EYS: variants seen among roughly 807,000 people sequenced by gnomAD.
EYS encodes the protein EGF-like photoreceptor maintenance factor, also known as protein eyes shut homolog.
EYS carries 250 observed loss-of-function variants against 282.1 expected under a neutral mutation model. The ratio of observed to expected loss-of-function variants is 0.89; its 90% CI spans 0.80 to 0.98. The LOEUF (loss-of-function observed/expected upper bound fraction) is 0.98, where lower values mean the gene tolerates loss of function less well. EYS is among the 50% of genes least tolerant of loss of function. The pLI, the probability that EYS is intolerant of heterozygous loss-of-function variation, is 0.00. For synonymous variants in EYS, 1,355 were observed against 1,282.9 expected (o/e 1.06, Z -1.20); for missense variants, 4,016 against 3,709.0 (o/e 1.08, Z -2.15).
intron 18 of EYS, among the ~76,000 whole-genome samples, chr6:64,889,812 G>C (rs1330788117): frequency 6.6e-6 from 1 of 151,972 alleles, no homozygotes; most frequent in Non-Finnish European, 1.5e-5. Context: ...TGTAGAGCAT[G>C]TGTGTTTAAA....
intron 22 of EYS, among the ~76,000 whole-genome samples, chr6:64,797,651 G>C (rs1192233491): frequency 1.3e-5 from 2 of 151,850 alleles, no homozygotes; most frequent in African/African-American, 4.8e-5. Context: ...ATAAAAATTT[G>C]GTTTTTTAAA....
intron 30 of EYS, among the ~76,000 whole-genome samples, chr6:64,258,288 C>T (rs1325582126): frequency 6.6e-6 from 1 of 151,938 alleles, no homozygotes; most frequent in Non-Finnish European, 1.5e-5. Context: ...CACCCCAATG[C>T]AAATAAACCT....
rs192188861 is a variant in EYS, at chr6:64,447,368, T to C, written c.5645-8016A>G. ...TCCCAATTAGCTTAATACCCACTAA[T>C]AGAGCAGGATAAAGTAGGAAAATTA... On this transcript the variant is annotated intron_variant, in intron 26 of 42. Transcript: ENST00000503581. Among the ~76,000 whole-genome samples, 64 of 152,264 alleles carry C rather than the reference T, an allele frequency of 4.2e-4. 1 individual carries two copies. In the East Asian group the frequency reaches 0.011, roughly 25 times the overall value.
intron 1 of EYS, among the ~76,000 whole-genome samples, chr6:65,686,040 A>C (rs1464662746): frequency 1.3e-5 from 2 of 152,044 alleles, no homozygotes; most frequent in East Asian, 3.9e-4. Context: ...AACTTCAGGA[A>C]TTGTTCTACC....
At chr6:63,905,343 T>TTTTTTTTTTG in intron 35 of EYS, among the ~76,000 whole-genome samples, 1 of 149,594 alleles carries the variant, frequency 6.7e-6, no homozygotes. Context: ...TTTTTTTTTT[T>TTTTTTTTTTG]TTTTGAGACG....
chr6:64,196,348 G>A (rs534693545), intron 31 of EYS, among the ~76,000 whole-genome samples: 4 of 152,278 alleles, frequency 2.6e-5, no homozygotes, highest in Admixed American at 2.6e-4. Context: ...ATTCCTCAGG[G>A]ATCTTGAACT....
intron 26 of EYS, among the ~76,000 whole-genome samples, chr6:64,583,534 G>T (rs572844204): frequency 6.6e-6 from 1 of 152,168 alleles, no homozygotes; most frequent in East Asian, 1.9e-4. Flanking sequence ...AGTAGCTCAC[G>T]CCTGTTATCC....
At chr6:65,563,535 C>CA (rs1769146540) in intron 2 of EYS, among the ~76,000 whole-genome samples, 1 of 151,794 alleles carries the variant, frequency 6.6e-6, no homozygotes, top group Non-Finnish European at 1.5e-5. Context: ...AAATATATAA[C>CA]AAAATTAAGA....
chr6:64,120,859 C>T (rs973716218), intron 31 of EYS, among the ~76,000 whole-genome samples: 5 of 152,026 alleles, frequency 3.3e-5, no homozygotes, highest in African/African-American at 1.2e-4. Context: ...TTTTCTAGGC[C>T]CATTATCTAG....
chr6:65,312,745 C>T (rs1250704184), intron 11 of EYS, among the ~76,000 whole-genome samples: 1 of 152,184 alleles, frequency 6.6e-6, no homozygotes, highest in Non-Finnish European at 1.5e-5. Context: ...ACAGTTATCA[C>T]AGTATGCTCT....
At chr6:64,053,909 A>G (rs1236172753) in intron 33 of EYS, among the ~76,000 whole-genome samples, 1 of 152,188 alleles carries the variant, frequency 6.6e-6, no homozygotes, top group Non-Finnish European at 1.5e-5. Flanking sequence ...AACCTACTGC[A>G]AATAATCTCT....
chr6:63,853,596 C>T (rs974086329), intron 36 of EYS, among the ~76,000 whole-genome samples: 1 of 152,170 alleles, frequency 6.6e-6, no homozygotes, highest in Non-Finnish European at 1.5e-5. Flanking sequence ...TCCTATCAAG[C>T]TACCATTGAC....
chr6:64,936,280 A>G (rs1768904120), intron 15 of EYS, among the ~76,000 whole-genome samples: 1 of 151,568 alleles, frequency 6.6e-6, no homozygotes, highest in Admixed American at 6.6e-5. Flanking sequence ...ACAAACCAGA[A>G]ACAGGAGGGA....
intron 5 of EYS, among the ~76,000 whole-genome samples, chr6:65,480,402 A>G (rs1018690887): frequency 5.3e-5 from 8 of 152,138 alleles, no homozygotes; most frequent in Non-Finnish European, 1.2e-4. Flanking sequence ...ATATTATTAA[A>G]TATTTCATTG....
intron 2 of EYS, among the ~76,000 whole-genome samples, chr6:65,627,129 T>A (rs1766731132): frequency 6.6e-6 from 1 of 152,148 alleles, no homozygotes; most frequent in Non-Finnish European, 1.5e-5. Context: ...GACAATAAAA[T>A]GCACAGTATT....
At chr6:64,913,343 GA>G (rs1768060357) in intron 15 of EYS, among the ~76,000 whole-genome samples, 2 of 151,884 alleles carry the variant, frequency 1.3e-5, no homozygotes. Context: ...GGCTTTTGTT[GA>G]ACCCATTGCC....
intron 33 of EYS, among the ~76,000 whole-genome samples, chr6:64,018,111 TACACAC>T (rs888138555): frequency 6.6e-6 from 1 of 151,934 alleles, no homozygotes; most frequent in Admixed American, 6.6e-5. Flanking sequence ...TACACACTTA[TACACAC>T]ACACACATAC....
At chr6:64,274,818 T>A (rs949281221) in intron 30 of EYS, among the ~76,000 whole-genome samples, 8 of 151,962 alleles carry the variant, frequency 5.3e-5, no homozygotes, top group African/African-American at 1.7e-4. Context: ...TCCATGGAGC[T>A]AAGCACAGTG....
chr6:65,492,585 G>A (rs893418935), intron 4 of EYS, among the ~76,000 whole-genome samples: 1 of 152,134 alleles, frequency 6.6e-6, no homozygotes, highest in African/African-American at 2.4e-5. Context: ...ATGCTTTAAA[G>A]ACTGTCTATT....
Sources: allele counts gnomAD v4.1 joint callset (sites outside exome capture counted in the v4.1 genomes callset), GRCh38; gene constraint gnomAD v4.1.1; transcripts MANE v1.5; gene names NCBI Gene and HGNC (gene_info 2026-07-23, HGNC 2026-07-21).